The following SEMA6D variants were observed in gnomAD, a reference collection of about 807,000 sequenced individuals.
The protein encoded by SEMA6D is semaphorin-6D.
Under a neutral mutation model 106.6 loss-of-function variants are expected in SEMA6D, and 35 were observed. That is an observed-to-expected ratio of 0.33 (90% CI 0.25 to 0.44). The LOEUF (loss-of-function observed/expected upper bound fraction) is 0.44, where lower values mean the gene tolerates loss of function less well. Among genes scored for constraint, SEMA6D ranks in the 20% least tolerant of loss-of-function variants. SEMA6D has a pLI of 1.00. For synonymous variants in SEMA6D, 499 were observed against 487.7 expected (o/e 1.02, Z -0.31); for missense variants, 1,185 against 1,345.9 (o/e 0.88, Z 1.87).
intron 1 of SEMA6D, among the ~76,000 whole-genome samples, chr15:47,385,065 T>TTTTTTTTTTTTTTTTTTTTA (rs35758807): frequency 7.3e-6 from 1 of 137,156 alleles, no homozygotes. Flanking sequence ...TTTTTTTTTT[T>TTTTTTTTTTTTTTTTTTTTA]ACCATAGAAC....
intron 1 of SEMA6D, among the ~76,000 whole-genome samples, chr15:47,323,270 T>A (rs1052799612): frequency 6.6e-6 from 1 of 152,156 alleles, no homozygotes; most frequent in African/African-American, 2.4e-5. Context: ...GCTACAGCTC[T>A]TTCGCTCCTG....
rs117732382 is a variant in SEMA6D at position 47,533,494 on chromosome 15, G to C, written c.-87+62949G>C. On this transcript the variant is annotated intron_variant, in intron 3 of 19. Transcript: ENST00000558014. Reference sequence around the variant, plus strand: ...TAGTCAGCAGAAAGTGTTTTCATTCGGTCATTTTCTTTAAAGTTCAAAATG... The same window carrying C: ...TAGTCAGCAGAAAGTGTTTTCATTCCGTCATTTTCTTTAAAGTTCAAAATG... Among the ~76,000 whole-genome samples, 208 of 152,140 alleles carry C rather than the reference G, an allele frequency of 1.4e-3. 7 individuals are homozygous for C. The East Asian group carries it at 0.034, about 25-fold the overall frequency.
In SEMA6D at chr15:47,771,245, A is replaced by C; in HGVS notation, c.2682A>C (p.Lys894Asn). Reference sequence around the variant, plus strand: ...TGAATGACCCAAATAGTAACCCCAAAGCCATCATGGGAGACATCCAGATGG... The same window carrying C: ...TGAATGACCCAAATAGTAACCCCAACGCCATCATGGGAGACATCCAGATGG... ...KHLNDPNSNPKAIMGDIQMAH... is the reference protein window; with the variant it reads ...KHLNDPNSNPNAIMGDIQMAH... Residue 894 changes from lysine (K) to asparagine (N), a missense_variant, in exon 19 of 19, where the codon AAA becomes AAC. Coordinates refer to ENST00000536845, the MANE Select transcript of SEMA6D (RefSeq NM_001358351.3). 1 of 1,614,032 alleles carries C rather than the reference A, an allele frequency of 6.2e-7. No homozygotes were observed. Among genetic ancestry groups the C allele is most frequent in the South Asian group, 1.1e-5 (1 of 91,084 alleles).
In SEMA6D at chr15:47,414,308, A is replaced by C. The variant is rs887765079; in HGVS notation, c.-159+1836A>C. On this transcript the variant is annotated intron_variant, in intron 2 of 19. Coordinates refer to the SEMA6D transcript ENST00000558014. ...GAACTACCACCAAAGCCTAACTTCT[A>C]TACATAAGTCGTGGTTTCCTCATAC... is the stretch of plus-strand genomic sequence containing the variant. Among the ~76,000 whole-genome samples the C allele has an allele frequency of 3.9e-5, 6 of 152,320 alleles. No individual in the cohort carries two copies. In the East Asian group the frequency reaches 1.2e-3, roughly 29 times the overall value.
chr15:47,371,996 A>G (rs1414162102), intron 1 of SEMA6D, among the ~76,000 whole-genome samples: 1 of 152,198 alleles, frequency 6.6e-6, no homozygotes, highest in Non-Finnish European at 1.5e-5. Context: ...GTTGAAGTCA[A>G]TGTTGAAGCC....
intron 3 of SEMA6D, among the ~76,000 whole-genome samples, chr15:47,566,258 C>T (rs2046226219): frequency 6.6e-6 from 1 of 152,226 alleles, no homozygotes; most frequent in African/African-American, 2.4e-5. Context: ...GTGTTTGGGT[C>T]ACCACCTGCT....
intron 2 of SEMA6D, among the ~76,000 whole-genome samples, chr15:47,468,678 T>C (rs1395534563): frequency 1.3e-5 from 2 of 152,184 alleles, no homozygotes; most frequent in African/African-American, 4.8e-5. Flanking sequence ...GGCTGTGCAA[T>C]TATTAAAGCG....
chr15:47,232,762 C>T (rs1221144762), intron 1 of SEMA6D, among the ~76,000 whole-genome samples: 1 of 151,378 alleles, frequency 6.6e-6, no homozygotes, highest in East Asian at 1.9e-4. Flanking sequence ...ACTCTTTGCA[C>T]GTTTTTAAAT....
At chr15:47,510,641 C>T (rs541546425) in intron 3 of SEMA6D, among the ~76,000 whole-genome samples, 22 of 152,242 alleles carry the variant, frequency 1.4e-4, no homozygotes, top group African/African-American at 3.9e-4. Context: ...CAACATAAGA[C>T]GGCCAGAATG....
At chr15:47,687,710 G>A (rs2078499287) in intron 4 of SEMA6D, among the ~76,000 whole-genome samples, 1 of 152,120 alleles carries the variant, frequency 6.6e-6, no homozygotes. Flanking sequence ...CGGCAACAGA[G>A]GCTGACAGCC....
At chr15:47,515,876 T>C (rs1208622383) in intron 3 of SEMA6D, among the ~76,000 whole-genome samples, 1 of 152,188 alleles carries the variant, frequency 6.6e-6, no homozygotes, top group Non-Finnish European at 1.5e-5. Flanking sequence ...AACCAACAAA[T>C]AGGGCAATTA....
intron 3 of SEMA6D, among the ~76,000 whole-genome samples, chr15:47,594,583 CT>C (rs1337331228): frequency 6.6e-6 from 1 of 152,156 alleles, no homozygotes; most frequent in East Asian, 1.9e-4. Context: ...AGGACCTATA[CT>C]TTGGGATATG....
chr15:47,276,752 T>A (rs2034836790), intron 1 of SEMA6D, among the ~76,000 whole-genome samples: 1 of 152,166 alleles, frequency 6.6e-6, no homozygotes, highest in Non-Finnish European at 1.5e-5. Context: ...GGCCCATGGA[T>A]CAAGGAGTAA....
At chr15:47,513,055 T>C (rs2044280054) in intron 3 of SEMA6D, among the ~76,000 whole-genome samples, 1 of 152,094 alleles carries the variant, frequency 6.6e-6, no homozygotes, top group South Asian at 2.1e-4. Flanking sequence ...CAAATTTCAA[T>C]AGCTTCTGAA....
Position 47,230,269 on chromosome 15 carries a change from TAA to T in SEMA6D, c.-239+45852_-239+45853del, listed in dbSNP as rs1271886300. Among the ~76,000 whole-genome samples the T allele has an allele frequency of 2.0e-5, 3 of 152,180 alleles. No homozygotes were observed. In the South Asian group the frequency reaches 6.2e-4, roughly 32 times the overall value. On this transcript the variant is annotated intron_variant, in intron 1 of 19. Coordinates refer to the SEMA6D transcript ENST00000558014. Reference sequence around the variant, plus strand: ...TCATTTAATAAAATTTATTGTAACATAAGTTTTATTTTTCTTATACAGAATAT... The same window carrying T: ...TCATTTAATAAAATTTATTGTAACATGTTTTATTTTTCTTATACAGAATAT...
In SEMA6D at chr15:47,263,243, C is replaced by G. The variant is rs144072540; in HGVS notation, c.-239+78825C>G. 3.3e-3 allele frequency among the ~76,000 whole-genome samples: 495 copies of G among 152,258 alleles called. 3 individuals are homozygous for G. The highest frequency in any genetic ancestry group is 5.5e-3 in the Non-Finnish European group (373 of 67,998). On this transcript the variant is annotated intron_variant, in intron 1 of 19. Transcript: ENST00000558014. The stretch of plus-strand genomic sequence containing the variant: ...GCCTCTGCACAGCAAAAGAAACTAT[C>G]AACAGTGTAAGCGGACAACCTACAG...
chr15:47,559,590 C>G (rs1040792086), intron 3 of SEMA6D, among the ~76,000 whole-genome samples: 1 of 152,000 alleles, frequency 6.6e-6, no homozygotes, highest in Non-Finnish European at 1.5e-5. Flanking sequence ...CTGTTTGAGG[C>G]AGTCAATGGA....
At chr15:47,321,802 A>G (rs1015096766) in intron 1 of SEMA6D, among the ~76,000 whole-genome samples, 1 of 152,134 alleles carries the variant, frequency 6.6e-6, no homozygotes, top group African/African-American at 2.4e-5. Flanking sequence ...CTACCATTTC[A>G]GTCCTGTTCT....
chr15:47,257,278 C>G (rs1035860574), intron 1 of SEMA6D, among the ~76,000 whole-genome samples: 9 of 152,098 alleles, frequency 5.9e-5, no homozygotes, highest in African/African-American at 1.9e-4. Flanking sequence ...AGTATGGTCT[C>G]CATCTCCTGA....
Sources: gnomAD v4.1 joint callset for allele counts (sites outside exome capture counted in the v4.1 genomes callset) on GRCh38, gnomAD v4.1.1 for gene constraint, MANE v1.5 for transcripts, NCBI Gene and HGNC (gene_info 2026-07-23, HGNC 2026-07-21) for gene names.